Variants in PLCXD2 observed in about 807,000 individuals in gnomAD.
PLCXD2 encodes PI-PLC X domain-containing protein 2.
A neutral mutation model predicts 28.6 loss-of-function variants in PLCXD2; 21 were observed. The ratio of observed to expected loss-of-function variants is 0.73; its 90% CI spans 0.52 to 1.06. The LOEUF is 1.06. PLCXD2 is among the 50% of genes least tolerant of loss of function. The probability of loss-of-function intolerance (pLI) is 0.00; values close to 1 mark genes in which losing one functional copy is unlikely to be tolerated. For synonymous variants in PLCXD2, 140 were observed against 150.1 expected, an observed-to-expected ratio of 0.93 and a Z score of 0.49; for missense variants, 369 against 376.7, an observed-to-expected ratio of 0.98 and a Z score of 0.17.
chr3:111,685,166 T>A (rs1940776319), intron 1 of PLCXD2, among the ~76,000 whole-genome samples: 1 of 152,182 alleles, frequency 6.6e-6, no homozygotes, highest in African/African-American at 2.4e-5. Flanking sequence ...TTGCCCAACC[T>A]TCTACCCTCA....
chr3:111,712,880 CA>C (rs1473846520), intron 2 of PLCXD2, among the ~76,000 whole-genome samples: 1 of 152,186 alleles, frequency 6.6e-6, no homozygotes, highest in Non-Finnish European at 1.5e-5. Context: ...ATCAAAATAG[CA>C]GTTTCCTATC....
intron 1 of PLCXD2, among the ~76,000 whole-genome samples, chr3:111,693,419 C>T (rs576645398): frequency 1.3e-5 from 2 of 152,302 alleles, no homozygotes; most frequent in South Asian, 2.1e-4. Context: ...TTCTGAGCAA[C>T]GTGAAGCTTA....
intron 1 of PLCXD2, among the ~76,000 whole-genome samples, chr3:111,685,695 A>G (rs993098581): frequency 2.6e-5 from 4 of 152,234 alleles, no homozygotes; most frequent in Admixed American, 1.3e-4. Flanking sequence ...TTAGGGAATG[A>G]CCAAGTGCCC....
intron 3 of PLCXD2, chr3:111,720,990 A>T: frequency 2.5e-6 from 1 of 406,662 alleles, no homozygotes; most frequent in South Asian, 1.4e-4. Flanking sequence ...AGTAAGAGGA[A>T]GATGGCTTTT....
intron 1 of PLCXD2, among the ~76,000 whole-genome samples, chr3:111,686,176 A>G (rs1940791960): frequency 6.6e-6 from 1 of 152,174 alleles, no homozygotes. Context: ...TCTAAAAAGT[A>G]CCCTGTAAAC....
intron 3 of PLCXD2, chr3:111,720,794 C>G (rs527337055): frequency 2.9e-5 from 12 of 416,890 alleles, no homozygotes; most frequent in Admixed American, 1.3e-4. Flanking sequence ...ATCATCACAT[C>G]TGACTTCGTG....
At chr3:111,680,532 T>C (rs895601417) in intron 1 of PLCXD2, among the ~76,000 whole-genome samples, 1 of 152,158 alleles carries the variant, frequency 6.6e-6, no homozygotes, top group African/African-American at 2.4e-5. Flanking sequence ...GTTTTGCTTT[T>C]TCCCCCCTCT....
chr3:111,684,110 T>C (rs927751058), intron 1 of PLCXD2, among the ~76,000 whole-genome samples: 4 of 151,970 alleles, frequency 2.6e-5, no homozygotes, highest in African/African-American at 7.3e-5. Context: ...GGCAGGCAGA[T>C]CACAAGGTCA....
intron 1 of PLCXD2, among the ~76,000 whole-genome samples, chr3:111,683,002 G>T (rs9809793): frequency 4.6e-5 from 7 of 152,142 alleles, no homozygotes; most frequent in African/African-American, 1.4e-4. Context: ...GCCAGGTACT[G>T]TGTTAAATCG....
At chr3:111,688,078 T>G (rs140242242) in intron 1 of PLCXD2, among the ~76,000 whole-genome samples, 19 of 152,292 alleles carry the variant, frequency 1.2e-4, no homozygotes, top group African/African-American at 4.3e-4. Flanking sequence ...TCGCTACTAT[T>G]AATAGTTGCA....
chr3:111,697,043 T>C (rs1940970862), intron 1 of PLCXD2, among the ~76,000 whole-genome samples: 1 of 152,190 alleles, frequency 6.6e-6, no homozygotes, highest in Non-Finnish European at 1.5e-5. Context: ...TGCACATAAA[T>C]ACTTTGGTAA....
At chr3:111,718,534 TTG>T (rs1559799113) in intron 3 of PLCXD2, among the ~76,000 whole-genome samples, 663 of 50,874 alleles carry the variant, frequency 0.013, 3 homozygotes, top group South Asian at 0.037. Context: ...GATAGATAGA[TTG>T]ATTGATTTAT....
chr3:111,713,390 C>G (rs1576463503), intron 2 of PLCXD2, among the ~76,000 whole-genome samples: 1 of 152,310 alleles, frequency 6.6e-6, no homozygotes, highest in East Asian at 1.9e-4. Context: ...TCCCTAGATG[C>G]GTCCATCTCA....
In PLCXD2 at chr3:111,675,126, A is replaced by G; in HGVS notation, c.-120A>G. 8.2e-7 allele frequency: 1 copy of G among 1,217,556 alleles called. No homozygotes were observed. Among genetic ancestry groups the G allele is most frequent in the Non-Finnish European group, 1.2e-6 (1 of 859,600 alleles). 75.4% of individuals were successfully genotyped at this position (1,217,556 alleles called of 1,614,324 possible). ...TGTTTGCCCCGTCCCCCAGCCAGAAAGGCATTTTGGAAAGACTGGCGTGGC... is the reference window on the plus strand; with the variant it reads ...TGTTTGCCCCGTCCCCCAGCCAGAAGGGCATTTTGGAAAGACTGGCGTGGC... On this transcript the variant is annotated 5_prime_UTR_variant, in exon 1 of 5. Transcript: ENST00000477665.
chr3:111,685,115 A>C (rs746662854), intron 1 of PLCXD2, among the ~76,000 whole-genome samples: 1 of 152,248 alleles, frequency 6.6e-6, no homozygotes, highest in South Asian at 2.1e-4. Context: ...GGTGGGACAC[A>C]GTGGAGATGG....
At chr3:111,676,505 ACCT>A (rs1391187677) in intron 1 of PLCXD2, among the ~76,000 whole-genome samples, 3 of 151,232 alleles carry the variant, frequency 2.0e-5, no homozygotes, top group Admixed American at 6.6e-5. Flanking sequence ...TTCTTTACTC[ACCT>A]CCTCTTTTGG....
chr3:111,694,005 G>A (rs149780713), intron 1 of PLCXD2, among the ~76,000 whole-genome samples: 1 of 152,348 alleles, frequency 6.6e-6, no homozygotes, highest in East Asian at 1.9e-4. Context: ...ACCCCTTCAA[G>A]CTGTCGCTTT....
chr3:111,705,396 T>A (rs1465703224), intron 1 of PLCXD2, among the ~76,000 whole-genome samples: 1 of 152,220 alleles, frequency 6.6e-6, no homozygotes, highest in African/African-American at 2.4e-5. Context: ...CCACATTTTT[T>A]ATCCATTCGT....
chr3:111,701,972 T>C lies in PLCXD2; in HGVS notation c.164-5954T>C, dbSNP rs141199719. Among the ~76,000 whole-genome samples the C allele has an allele frequency of 1.1e-3, 165 of 152,054 alleles. 1 individual carries two copies. In the East Asian group the frequency reaches 0.027, roughly 25 times the overall value. ...GCACTTTGTTGTGTGAGCAGGCCAT[T>C]GGAGGCAGGCCATAGCAGGAAGGTG... On this transcript the variant is annotated intron_variant, in intron 1 of 4. Transcript: ENST00000477665.
Sources: gnomAD v4.1 joint callset for allele counts (sites outside exome capture counted in the v4.1 genomes callset) on GRCh38, gnomAD v4.1.1 for gene constraint, MANE v1.5 for transcripts, NCBI Gene and HGNC (gene_info 2026-07-23, HGNC 2026-07-21) for gene names.